CDH12: variants seen among roughly 807,000 people sequenced by gnomAD.
CDH12 encodes the protein cadherin 12.
CDH12 carries 41 observed loss-of-function variants against 74.1 expected under a neutral mutation model. The ratio of observed to expected loss-of-function variants is 0.55; its 90% CI spans 0.43 to 0.72. The LOEUF is 0.72. Ranked by LOEUF, CDH12 falls within the 30% of genes least tolerant of loss-of-function variation. The pLI is 0.00. For missense variants in CDH12, 945 were observed against 977.2 expected, an observed-to-expected ratio of 0.97 and a Z score of 0.44; for synonymous variants, 399 against 355.0, an observed-to-expected ratio of 1.12 and a Z score of -1.39.
At chr5:22,151,342 T>C (rs1747569527) in intron 4 of CDH12, among the ~76,000 whole-genome samples, 1 of 152,178 alleles carries the variant, frequency 6.6e-6, no homozygotes, top group Non-Finnish European at 1.5e-5. Flanking sequence ...GAACGAGGCA[T>C]TATGAAGTAA....
At chr5:22,691,746 A>G (rs1345880599) in intron 1 of CDH12, among the ~76,000 whole-genome samples, 1 of 152,124 alleles carries the variant, frequency 6.6e-6, no homozygotes, top group Non-Finnish European at 1.5e-5. Flanking sequence ...TAGTAGTGCC[A>G]TTTGGCTTAC....
At chr5:22,528,299 G>T (rs957496200) in intron 1 of CDH12, among the ~76,000 whole-genome samples, 2 of 152,246 alleles carry the variant, frequency 1.3e-5, no homozygotes, top group East Asian at 3.9e-4. Context: ...TCCACTGGTG[G>T]TGGAGAGGTC....
rs187788523 is a variant in CDH12, at chr5:21,843,601, G to A, written c.647-1273C>T. Among the ~76,000 whole-genome samples, 398 of 151,254 alleles carry A rather than the reference G, an allele frequency of 2.6e-3. 1 individual carries two copies. The highest frequency in any genetic ancestry group is 4.5e-3 in the African/African-American group (184 of 41,112). On this transcript the variant is annotated intron_variant, in intron 7 of 14. Coordinates refer to ENST00000382254, the MANE Select transcript of CDH12 (RefSeq NM_004061.5). Reference sequence around the variant, plus strand: ...GCAATCTGGGCTCACTGCAATCTCCGCCTCCCGGGTTCAAGTGATTCTCCT... The same window carrying A: ...GCAATCTGGGCTCACTGCAATCTCCACCTCCCGGGTTCAAGTGATTCTCCT...
intron 4 of CDH12, among the ~76,000 whole-genome samples, chr5:22,103,133 G>T (rs547714334): frequency 6.6e-6 from 1 of 152,214 alleles, no homozygotes; most frequent in South Asian, 2.1e-4. Flanking sequence ...GACAGAGAAA[G>T]AAAAACAAAA....
intron 4 of CDH12, among the ~76,000 whole-genome samples, chr5:22,145,890 G>A (rs1214511754): frequency 6.6e-6 from 1 of 152,138 alleles, no homozygotes; most frequent in East Asian, 1.9e-4. Context: ...GCACAACACA[G>A]CTCAGAAATT....
At chr5:22,835,326 G>A (rs145103544) in intron 1 of CDH12, among the ~76,000 whole-genome samples, 2 of 152,188 alleles carry the variant, frequency 1.3e-5, no homozygotes, top group African/African-American at 4.8e-5. Context: ...TGAAAGATTT[G>A]TAAAATATGG....
chr5:22,495,855 T>G (rs1384921268), intron 2 of CDH12, among the ~76,000 whole-genome samples: 1 of 152,084 alleles, frequency 6.6e-6, no homozygotes, highest in Non-Finnish European at 1.5e-5. Flanking sequence ...AATTTTGACA[T>G]CGGGGAAACA....
At chr5:22,048,891 G>A (rs771759516) in intron 5 of CDH12, among the ~76,000 whole-genome samples, 2 of 152,004 alleles carry the variant, frequency 1.3e-5, no homozygotes, top group Non-Finnish European at 1.5e-5. Flanking sequence ...GCACAGAACT[G>A]TATGGTACCA....
intron 1 of CDH12, among the ~76,000 whole-genome samples, chr5:22,597,889 C>T (rs150889459): frequency 6.7e-4 from 102 of 152,092 alleles, no homozygotes; most frequent in African/African-American, 2.4e-3. Context: ...ATATGTCTTC[C>T]ATTAAAGTAA....
chr5:22,749,937 A>G (rs4587042), intron 1 of CDH12, among the ~76,000 whole-genome samples: 75,907 of 151,998 alleles, frequency 0.5, 18,971 homozygotes, highest in East Asian at 0.56. Flanking sequence ...AGGCACACAT[A>G]CAATTTTTCA....
intron 3 of CDH12, among the ~76,000 whole-genome samples, chr5:22,236,238 C>T (rs2150378046): frequency 6.6e-6 from 1 of 152,280 alleles, no homozygotes; most frequent in Non-Finnish European, 1.5e-5. Flanking sequence ...TATTCTTCTT[C>T]TTTAACCTTA....
intron 11 of CDH12, among the ~76,000 whole-genome samples, chr5:21,777,754 G>A (rs575764266): frequency 9.8e-4 from 149 of 152,280 alleles, no homozygotes; most frequent in African/African-American, 3.3e-3. Context: ...GCCTCCCAAA[G>A]TGCTGGGATT....
chr5:22,586,107 T>C (rs887065105), intron 1 of CDH12, among the ~76,000 whole-genome samples: 2 of 152,146 alleles, frequency 1.3e-5, no homozygotes, highest in African/African-American at 4.8e-5. Flanking sequence ...CCAACAATGA[T>C]AGACTGGATT....
intron 5 of CDH12, among the ~76,000 whole-genome samples, chr5:22,011,130 G>A (rs1737271676): frequency 6.6e-6 from 1 of 152,080 alleles, no homozygotes; most frequent in Admixed American, 6.6e-5. Flanking sequence ...TACAGATGGA[G>A]AGGTTAGTGA....
At chr5:21,823,304 A>G (rs1748473614) in intron 8 of CDH12, among the ~76,000 whole-genome samples, 1 of 152,134 alleles carries the variant, frequency 6.6e-6, no homozygotes, top group South Asian at 2.1e-4. Context: ...AACATTCCAA[A>G]CAGAAGTAAC....
chr5:22,200,504 G>A (rs563571371), intron 4 of CDH12, among the ~76,000 whole-genome samples: 21 of 152,248 alleles, frequency 1.4e-4, no homozygotes, highest in African/African-American at 3.8e-4. Context: ...TTTACCAAAC[G>A]TGTGTGAACA....
chr5:22,468,716 G>A (rs1745837272), intron 2 of CDH12, among the ~76,000 whole-genome samples: 1 of 151,874 alleles, frequency 6.6e-6, no homozygotes, highest in Non-Finnish European at 1.5e-5. Flanking sequence ...ATAATAAAAT[G>A]TTTCATCCAA....
intron 1 of CDH12, among the ~76,000 whole-genome samples, chr5:22,722,916 G>A (rs1743972793): frequency 2.0e-5 from 3 of 152,126 alleles, no homozygotes; most frequent in African/African-American, 7.2e-5. Flanking sequence ...TCCTATTCCT[G>A]TTGCATCATT....
At chr5:21,960,424 T>C (rs374209459) in intron 6 of CDH12, among the ~76,000 whole-genome samples, 335 of 152,240 alleles carry the variant, frequency 2.2e-3, no homozygotes, top group Non-Finnish European at 3.6e-3. Flanking sequence ...GAACTCATCA[T>C]TTAGAAAGCT....
Sources: gnomAD v4.1 joint callset for allele counts (sites outside exome capture counted in the v4.1 genomes callset) on GRCh38, gnomAD v4.1.1 for gene constraint, MANE v1.5 for transcripts, NCBI Gene and HGNC (gene_info 2026-07-23, HGNC 2026-07-21) for gene names.